The following UAP1 variants were observed in gnomAD, a reference collection of about 807,000 sequenced individuals.
UAP1 encodes the protein UDP-N-acetylhexosamine pyrophosphorylase.
UAP1 carries 25 observed loss-of-function variants against 58.5 expected under a neutral mutation model. The observed-to-expected ratio is 0.43, with a 90% confidence interval of 0.31 to 0.60. The LOEUF is 0.60. Ranked by LOEUF, UAP1 falls within the 20% of genes least tolerant of loss-of-function variation. The pLI, the probability that UAP1 is intolerant of heterozygous loss-of-function variation, is 0.11. For synonymous variants in UAP1, 208 were observed against 213.0 expected (o/e 0.98, Z 0.21); for missense variants, 575 against 630.0 (o/e 0.91, Z 0.93).
chr1:162,588,508 A>T (rs1264968740), intron 6 of UAP1, among the ~76,000 whole-genome samples, 185 bp from the exon 7 acceptor site: 1 of 152,012 alleles, frequency 6.6e-6, no homozygotes. Context: ...ATTTTTTTTT[A>T]AATATAAAGA....
chr1:162,583,343 C>A (rs541310728), intron 5 of UAP1, among the ~76,000 whole-genome samples: 4 of 151,698 alleles, frequency 2.6e-5, no homozygotes, highest in African/African-American at 9.7e-5. Context: ...TTAGTACAGA[C>A]GGGGTTTCAC....
At position 162,596,630 on chromosome 1, in the gene UAP1, T is replaced by G. The variant is rs1417640376; in HGVS notation, c.1410-1162T>G. ...CTTGGAATAATCCAAAGAGTGTGAC[T>G]GATCTGGTTTGAGTGGAGAGTCTCA... On this transcript the variant is annotated intron_variant, in intron 9 of 10. Coordinates refer to ENST00000271469, the Ensembl canonical transcript of UAP1. Among the ~76,000 whole-genome samples, 5 of 152,190 alleles carry G rather than the reference T, an allele frequency of 3.3e-5. No individual in the cohort carries two copies. The East Asian group carries it at 5.8e-4, about 18-fold the overall frequency.
In UAP1 at chr1:162,566,087, A is replaced by G; in HGVS notation, c.19A>G (p.Lys7Glu). The G allele has an allele frequency of 6.2e-7, 1 of 1,612,260 alleles. No individual in the cohort carries two copies. The highest frequency in any genetic ancestry group is 8.5e-7 in the Non-Finnish European group (1 of 1,179,974). ...GAGCATTATGAACATTAATGACCTC[A>G]AACTCACGTTGTCCAAAGCTGGGCA... Residue 7 changes from lysine to glutamate, a missense_variant, in exon 2 of 11, where the codon AAA becomes GAA. Coordinates refer to ENST00000271469, the Ensembl canonical transcript of UAP1.
At chr1:162,595,280 A>G (rs12040734) in intron 9 of UAP1, among the ~76,000 whole-genome samples, 28,655 of 152,128 alleles carry the variant, frequency 0.19, 2,889 homozygotes, top group Middle Eastern at 0.28. Flanking sequence ...GAAGTTACAT[A>G]TTCAGGCCAG....
chr1:162,593,453 G>C (rs1655440733), intron 9 of UAP1: 1 of 152,110 alleles, frequency 6.6e-6, no homozygotes, highest in Non-Finnish European at 1.5e-5. Context: ...CACTTTGAAA[G>C]TTAAAGTTTT....
At chr1:162,564,859 C>T (rs1303306325) in intron 1 of UAP1, among the ~76,000 whole-genome samples, 1 of 152,118 alleles carries the variant, frequency 6.6e-6, no homozygotes, top group Non-Finnish European at 1.5e-5. Flanking sequence ...ATCATGGCCA[C>T]CAGGCTCTGC....
exon 11 of UAP1, chr1:162,599,398 T>C: frequency 7.0e-7 from 1 of 1,430,734 alleles, no homozygotes; most frequent in Non-Finnish European, 9.8e-7. Context: ...ACGATAGGAA[T>C]AGCTTTTATT....
At chr1:162,580,226 A>G (rs1654500930) in intron 4 of UAP1, among the ~76,000 whole-genome samples, 1 of 152,232 alleles carries the variant, frequency 6.6e-6, no homozygotes, top group South Asian at 2.1e-4. Flanking sequence ...ATTATAGTGA[A>G]AACTTGGAAA....
At chr1:162,562,225 TG>T (rs2101714164) in intron 1 of UAP1, among the ~76,000 whole-genome samples, 1 of 151,758 alleles carries the variant, frequency 6.6e-6, no homozygotes, top group South Asian at 2.1e-4. Flanking sequence ...ATACCAAGTG[TG>T]GGGGCCTGTA....
chr1:162,589,221 T>A (rs1205729413), intron 7 of UAP1, among the ~76,000 whole-genome samples: 2 of 116,280 alleles, frequency 1.7e-5, no homozygotes, highest in Non-Finnish European at 3.4e-5. Flanking sequence ...ATATATAATA[T>A]TTATATATTA....
At chr1:162,584,972 T>G (rs1654816481) in intron 5 of UAP1, among the ~76,000 whole-genome samples, 1 of 152,234 alleles carries the variant, frequency 6.6e-6, no homozygotes, top group Admixed American at 6.5e-5. Flanking sequence ...TATTTTGGAC[T>G]CAGCTTTTCT....
Position 162,577,705 on chromosome 1 carries a change from G to A in UAP1, c.485+724G>A, listed in dbSNP as rs187898941. Among the ~76,000 whole-genome samples, 484 of 151,716 alleles carry A rather than the reference G, an allele frequency of 3.2e-3. 1 individual carries two copies. The highest frequency in any genetic ancestry group is 0.011 in the African/African-American group (456 of 41,364). ...CGGCCCACTGCAACCCCTGCCTCCCGGGTTCAAGCGGTTCTCCTGCCTCAG... is the reference window on the plus strand; with the variant it reads ...CGGCCCACTGCAACCCCTGCCTCCCAGGTTCAAGCGGTTCTCCTGCCTCAG... On this transcript the variant is annotated intron_variant, in intron 3 of 10. Transcript: ENST00000271469.
chr1:162,589,779 C>T (rs1557978083), intron 7 of UAP1, among the ~76,000 whole-genome samples: 2 of 152,074 alleles, frequency 1.3e-5, no homozygotes, highest in Admixed American at 6.6e-5. Context: ...GGATACCAGC[C>T]TGGCCAACAT....
At chr1:162,579,592 C>T (rs1451801164) in exon 4 of UAP1, 4 of 1,589,200 alleles carry the variant, frequency 2.5e-6, no homozygotes, top group South Asian at 1.1e-5. Context: ...AACAAAGTTT[C>T]TATGGCTCCA....
chr1:162,581,776 C>CT (rs1654601343), intron 5 of UAP1, among the ~76,000 whole-genome samples: 1 of 152,204 alleles, frequency 6.6e-6, no homozygotes, highest in Non-Finnish European at 1.5e-5. Context: ...ATTAACCCAA[C>CT]TTTTTTCCTG....
chr1:162,597,277 TAAATTAGTTTTAAA>T (rs1277839218), intron 9 of UAP1: 1 of 152,254 alleles, frequency 6.6e-6, no homozygotes, highest in Non-Finnish European at 1.5e-5. Context: ...TTTTAAATTT[TAAATTAGTTTTAAA>T]AATTTTAATT....
chr1:162,582,180 T>C (rs1654632824), intron 5 of UAP1, among the ~76,000 whole-genome samples: 1 of 152,168 alleles, frequency 6.6e-6, no homozygotes. Context: ...TAGAAGTCTG[T>C]ATAGGTATCC....
intron 5 of UAP1, among the ~76,000 whole-genome samples, chr1:162,582,696 G>A (rs1654661465): frequency 6.6e-6 from 1 of 152,156 alleles, no homozygotes; most frequent in South Asian, 2.1e-4. Flanking sequence ...ACTGAAAGCA[G>A]TAACCATATA....
intron 5 of UAP1, among the ~76,000 whole-genome samples, chr1:162,584,819 A>G (rs528866720): frequency 1.3e-5 from 2 of 152,212 alleles, no homozygotes; most frequent in East Asian, 3.9e-4. Context: ...TGGTGCATTA[A>G]GTATTTTTTA....
Sources: allele counts gnomAD v4.1 joint callset (sites outside exome capture counted in the v4.1 genomes callset), GRCh38; gene constraint gnomAD v4.1.1; transcripts MANE v1.5; gene names NCBI Gene and HGNC (gene_info 2026-07-23, HGNC 2026-07-21).